Variants in ZNF704 observed in about 807,000 individuals in gnomAD.
ZNF704 encodes the protein zinc finger protein 704.
In ZNF704, 10 loss-of-function variants were observed where a neutral mutation model predicts 44.7. That is an observed-to-expected ratio of 0.22 (90% confidence interval 0.14 to 0.38). ZNF704 has a LOEUF of 0.38. ZNF704 is among the 10% of genes least tolerant of loss of function. The pLI, the probability that ZNF704 is intolerant of heterozygous loss-of-function variation, is 1.00. For missense variants in ZNF704, 390 were observed against 545.5 expected (o/e 0.71, Z 2.84); for synonymous variants, 211 against 207.6 (o/e 1.02, Z -0.14).
intron 2 of ZNF704, among the ~76,000 whole-genome samples, chr8:80,707,982 G>T (rs1253050632): frequency 6.6e-6 from 1 of 152,136 alleles, no homozygotes; most frequent in Non-Finnish European, 1.5e-5. Flanking sequence ...CCGTCTGGAG[G>T]ATTCTCATAC....
At chr8:80,870,642 T>C (rs544955732) in intron 1 of ZNF704, among the ~76,000 whole-genome samples, 1 of 152,334 alleles carries the variant, frequency 6.6e-6, no homozygotes, top group Non-Finnish European at 1.5e-5. Flanking sequence ...TGGCTGCTGC[T>C]TCTCAATAGT....
At chr8:80,819,483 G>C (rs376490328) in intron 2 of ZNF704, among the ~76,000 whole-genome samples, 13 of 151,522 alleles carry the variant, frequency 8.6e-5, no homozygotes, top group Non-Finnish European at 1.8e-4. Flanking sequence ...TGTAGAATAA[G>C]TCCTATAGAA....
At chr8:80,788,048 A>T (rs932963389) in intron 2 of ZNF704, among the ~76,000 whole-genome samples, 2 of 152,196 alleles carry the variant, frequency 1.3e-5, no homozygotes, top group Non-Finnish European at 2.9e-5. Context: ...AGGCAGCATA[A>T]ATTTATGACA....
intron 1 of ZNF704, among the ~76,000 whole-genome samples, chr8:80,841,550 C>T (rs549336139): frequency 5.3e-5 from 8 of 152,250 alleles, no homozygotes; most frequent in Admixed American, 2.0e-4. Context: ...TAAGAATCCA[C>T]GTGTTATTGA....
intron 2 of ZNF704, among the ~76,000 whole-genome samples, chr8:80,744,703 G>A (rs1396700914): frequency 6.6e-6 from 1 of 152,148 alleles, no homozygotes; most frequent in African/African-American, 2.4e-5. Context: ...GGTGATCTTT[G>A]CTCAAAATAA....
chr8:80,650,961 T>A (rs1189797231), intron 7 of ZNF704, among the ~76,000 whole-genome samples: 1 of 152,196 alleles, frequency 6.6e-6, no homozygotes, highest in Non-Finnish European at 1.5e-5. Flanking sequence ...GACTAACAGC[T>A]GATCTCTCAG....
intron 2 of ZNF704, among the ~76,000 whole-genome samples, chr8:80,774,526 A>T (rs1807378180): frequency 6.6e-6 from 1 of 152,044 alleles, no homozygotes. Flanking sequence ...CTGTGTGTGG[A>T]GGTGAGTTCT....
intron 1 of ZNF704, among the ~76,000 whole-genome samples, chr8:80,834,086 C>T (rs1407670989): frequency 6.6e-6 from 1 of 151,964 alleles, no homozygotes; most frequent in Non-Finnish European, 1.5e-5. Context: ...CCCAGCTACT[C>T]GGGAGGCTGG....
chr8:80,848,320 G>A (rs1808800731), intron 1 of ZNF704, among the ~76,000 whole-genome samples: 1 of 152,148 alleles, frequency 6.6e-6, no homozygotes, highest in African/African-American at 2.4e-5. Context: ...CTACAATGAT[G>A]GGGGTCACAT....
chr8:80,664,535 T>C (rs1233278555), intron 6 of ZNF704, among the ~76,000 whole-genome samples: 1 of 151,872 alleles, frequency 6.6e-6, no homozygotes, highest in Non-Finnish European at 1.5e-5. Context: ...CCTCCCAGAG[T>C]GTTTGGGATT....
chr8:80,739,541 T>G (rs182235680), intron 2 of ZNF704, among the ~76,000 whole-genome samples: 1 of 152,282 alleles, frequency 6.6e-6, no homozygotes, highest in East Asian at 1.9e-4. Flanking sequence ...CCTGACCAAC[T>G]ATATTGAAAA....
At chr8:80,649,909 C>G (rs1389479996) in intron 7 of ZNF704, among the ~76,000 whole-genome samples, 1 of 152,188 alleles carries the variant, frequency 6.6e-6, no homozygotes, top group Non-Finnish European at 1.5e-5. Context: ...TGGGAGGCAT[C>G]CCCCAGTAGG....
intron 2 of ZNF704, among the ~76,000 whole-genome samples, chr8:80,806,941 G>A (rs1378217341): frequency 6.6e-6 from 1 of 152,134 alleles, no homozygotes; most frequent in African/African-American, 2.4e-5. Context: ...TTTTTGCATG[G>A]TTTTCCCACA....
intron 2 of ZNF704, among the ~76,000 whole-genome samples, chr8:80,726,669 T>C (rs879331681): frequency 1.3e-5 from 2 of 152,138 alleles, no homozygotes; most frequent in Admixed American, 1.3e-4. Flanking sequence ...ATGATGGACA[T>C]ACAGGGAGTT....
intron 2 of ZNF704, among the ~76,000 whole-genome samples, chr8:80,820,912 GAA>G (rs750108007): frequency 7.2e-6 from 1 of 139,788 alleles, no homozygotes; most frequent in Non-Finnish European, 1.6e-5. Context: ...TCTCTATTTG[GAA>G]AAAAAAAAAA....
chr8:80,751,824 T>C (rs1052436613), intron 2 of ZNF704, among the ~76,000 whole-genome samples: 5 of 152,352 alleles, frequency 3.3e-5, no homozygotes, highest in Admixed American at 6.5e-5. Flanking sequence ...CTTGGCTCAC[T>C]GCAACCTCCA....
chr8:80,637,095 T>G lies in ZNF704; in HGVS notation c.*4271A>C, dbSNP rs1187364523. The G allele has an allele frequency of 2.0e-5, 3 of 148,986 alleles. No individual in the cohort carries two copies. The highest frequency in any genetic ancestry group is 4.5e-5 in the Non-Finnish European group (3 of 67,384). The allele number at this position is 148,986 out of a possible 1,614,324, so 9.2% of individuals were successfully genotyped here. On this transcript the variant is annotated 3_prime_UTR_variant, in exon 9 of 9. Transcript: ENST00000327835. The stretch of plus-strand genomic sequence containing the variant: ...AGGCATTGCACCTGTGGTTCAAATG[T>G]TAGCCTTAGGCTACAGGTCAGCTCC...
At chr8:80,846,660 T>G (rs1381452253) in intron 1 of ZNF704, among the ~76,000 whole-genome samples, 1 of 152,218 alleles carries the variant, frequency 6.6e-6, no homozygotes, top group Non-Finnish European at 1.5e-5. Context: ...TTCTTTAGGT[T>G]GGACTTAAAA....
intron 2 of ZNF704, among the ~76,000 whole-genome samples, chr8:80,731,937 A>G (rs1806588978): frequency 6.6e-6 from 1 of 152,250 alleles, no homozygotes; most frequent in South Asian, 2.1e-4. Flanking sequence ...TGCATATCAC[A>G]TGAAGGTGAG....
Sources: gnomAD v4.1 joint callset for allele counts (sites outside exome capture counted in the v4.1 genomes callset) on GRCh38, gnomAD v4.1.1 for gene constraint, MANE v1.5 for transcripts, NCBI Gene and HGNC (gene_info 2026-07-23, HGNC 2026-07-21) for gene names.